The following WDFY3 variants were observed in gnomAD, a reference collection of about 807,000 sequenced individuals.
WDFY3 encodes the protein WD repeat and FYVE domain containing 3.
A neutral mutation model predicts 409.6 loss-of-function variants in WDFY3; 66 were observed. The observed-to-expected ratio is 0.16, with a 90% CI of 0.13 to 0.20. WDFY3 has a LOEUF of 0.20. WDFY3 is among the 10% of genes least tolerant of loss of function. The pLI is 1.00. For synonymous variants in WDFY3, 1,521 were observed against 1,537.1 expected, an observed-to-expected ratio of 0.99 and a Z score of 0.25; for missense variants, 3,031 against 4,298.1, an observed-to-expected ratio of 0.71 and a Z score of 8.24.
intron 44 of WDFY3, 108 bp downstream of exon 44, chr4:84,733,274 T>C: frequency 7.9e-7 from 1 of 1,262,878 alleles, no homozygotes; most frequent in South Asian, 1.4e-5. Flanking sequence ...TATGTTGAAT[T>C]TTTAAAATTA....
chr4:84,956,966 G>A (rs1774309132), intron 1 of WDFY3, among the ~76,000 whole-genome samples: 1 of 148,468 alleles, frequency 6.7e-6, no homozygotes, highest in African/African-American at 2.5e-5. Flanking sequence ...AGAAGCAGGT[G>A]ACAATGGTTT....
At chr4:84,810,485 G>T in intron 13 of WDFY3, 141 bp from the exon 14 acceptor site, 1 of 685,126 alleles carries the variant, frequency 1.5e-6, no homozygotes, top group Non-Finnish European at 2.2e-6. Context: ...GTCCTATAAA[G>T]CATATCAAAT....
chr4:84,818,832 G>A (rs1452641689), intron 12 of WDFY3, among the ~76,000 whole-genome samples: 1 of 152,092 alleles, frequency 6.6e-6, no homozygotes, highest in Non-Finnish European at 1.5e-5. Flanking sequence ...AAATTGTTTG[G>A]CACTTTGGGA....
At chr4:84,781,249 T>G (rs1746452716) in intron 25 of WDFY3, among the ~76,000 whole-genome samples, 1 of 151,848 alleles carries the variant, frequency 6.6e-6, no homozygotes, top group African/African-American at 2.4e-5. Context: ...ACACCTACAT[T>G]CCTAACATTT....
At chr4:84,828,198 T>C (rs1320925574) in intron 9 of WDFY3, among the ~76,000 whole-genome samples, 1 of 152,092 alleles carries the variant, frequency 6.6e-6, no homozygotes, top group Non-Finnish European at 1.5e-5. Context: ...CAGGAATAGC[T>C]GCTGAAAAAT....
intron 63 of WDFY3, among the ~76,000 whole-genome samples, chr4:84,683,140 T>G (rs1450191547): frequency 6.6e-6 from 1 of 152,226 alleles, no homozygotes; most frequent in African/African-American, 2.4e-5. Flanking sequence ...TATTTTATGC[T>G]GCTTCACAGA....
At position 84,780,240 on chromosome 4, in the gene WDFY3, A is replaced by G. The variant is rs1746260579; in HGVS notation, c.4233T>C (p.Ala1411=). 1.2e-6 allele frequency: 2 copies of G among 1,614,096 alleles called. No individual in the cohort carries two copies. The highest frequency in any genetic ancestry group is 1.7e-6 in the Non-Finnish European group (2 of 1,179,970). The change falls in exon 26 of 68, where the codon GCT becomes GCC. Residue 1411 remains alanine (A), a synonymous_variant. Coordinates refer to ENST00000295888, the MANE Select transcript of WDFY3 (RefSeq NM_014991.6). ...TGGCCACCAGGCCCAGGATGGCTGC[A>G]GCTCCACCAACGTACTGCAAAGTAG... ...VATTLQYVGG[A]AAILGLVAMA...
At position 84,688,196 on chromosome 4, in the gene WDFY3, CACT is replaced by C. The variant is rs1157207640; in HGVS notation, c.9430_9432del (p.Ser3144del). The stretch of plus-strand genomic sequence containing the variant: ...ATGATACAGGTTCGATCACGGGACC[CACT>C]GACAATTATGTGATAGGCTAATGAT... On this transcript the variant is annotated inframe_deletion, in exon 62 of 68. Transcript: ENST00000295888. 6.2e-7 allele frequency: 1 copy of C among 1,614,000 alleles called. No individual in the cohort carries two copies. The highest frequency in any genetic ancestry group is 1.3e-5 in the African/African-American group (1 of 74,922).
intron 46 of WDFY3, among the ~76,000 whole-genome samples, chr4:84,722,583 C>T (rs192931203): frequency 4.6e-5 from 7 of 152,216 alleles, no homozygotes; most frequent in Middle Eastern, 3.4e-3. Context: ...ATTAAGGAAA[C>T]ATTTTACTAC....
At chr4:84,894,785 GA>G (rs201916800) in intron 3 of WDFY3, among the ~76,000 whole-genome samples, 1,881 of 133,164 alleles carry the variant, frequency 0.014, 32 homozygotes, top group African/African-American at 0.039. Context: ...GACTCAGTCT[GA>G]AAAAAAAAAA....
chr4:84,705,219 G>C (rs1412901852), intron 54 of WDFY3, among the ~76,000 whole-genome samples, 175 bp downstream of exon 54: 1 of 152,122 alleles, frequency 6.6e-6, no homozygotes, highest in African/African-American at 2.4e-5. Context: ...GCCATAAGTT[G>C]GCATGCAAAC....
In WDFY3 at chr4:84,706,094, A is replaced by G. The variant is rs1659303593; in HGVS notation, c.8218-583T>C. Among the ~76,000 whole-genome samples, 3 of 152,356 alleles carry G rather than the reference A, an allele frequency of 2.0e-5. No homozygotes were observed. In the South Asian group the frequency reaches 6.2e-4, roughly 32 times the overall value. Reference sequence around the variant, plus strand: ...CCAATGAGATGGATTCTTCTAGTTTACCAGAGATCACTTTAAAAGTTGATG... The same window carrying G: ...CCAATGAGATGGATTCTTCTAGTTTGCCAGAGATCACTTTAAAAGTTGATG... On this transcript the variant is annotated intron_variant, in intron 53 of 67. Coordinates refer to ENST00000295888, the MANE Select transcript of WDFY3 (RefSeq NM_014991.6).
Position 84,672,874 on chromosome 4 carries a change from A to G in WDFY3, c.10575T>C (p.Asn3525=), listed in dbSNP as rs757810769. 9 of 1,612,430 alleles carry G rather than the reference A, an allele frequency of 5.6e-6. No individual in the cohort carries two copies. The highest frequency in any genetic ancestry group is 7.6e-6 in the Non-Finnish European group (9 of 1,179,170). The change falls in exon 68 of 68, where the codon AAT becomes AAC. Residue 3525 remains asparagine (N), a synonymous_variant. Coordinates refer to ENST00000295888, the MANE Select transcript of WDFY3 (RefSeq NM_014991.6). Reference sequence around the variant, plus strand: ...CACTCAGCTTGTTGAATCTTCAACAATTTCGAGGCCCATCTTCTGAACCTC... The same window carrying G: ...CACTCAGCTTGTTGAATCTTCAACAGTTTCGAGGCCCATCTTCTGAACCTC... ...HERGSEDGPR[N]C
chr4:84,890,845 T>C (rs992531637), intron 3 of WDFY3, among the ~76,000 whole-genome samples: 14 of 152,172 alleles, frequency 9.2e-5, no homozygotes, highest in African/African-American at 3.1e-4. Context: ...AAGTATTTTG[T>C]TATGTTGTCC....
chr4:84,833,160 G>C (rs1756005539), intron 7 of WDFY3, among the ~76,000 whole-genome samples: 1 of 152,066 alleles, frequency 6.6e-6, no homozygotes, highest in South Asian at 2.1e-4. Context: ...ACACCATTAA[G>C]AGCCTGCCAC....
chr4:84,786,018 T>C lies in WDFY3; in HGVS notation c.4023A>G (p.Lys1341=), dbSNP rs1054466556. 5 of 1,613,890 alleles carry C rather than the reference T, an allele frequency of 3.1e-6. No homozygotes were observed. The African/African-American group carries it at 6.7e-5, about 22-fold the overall frequency. The stretch of plus-strand genomic sequence containing the variant: ...CTTTGCTATCCAATTTGTTATACAC[T>C]TTCCGGATTCTTGCCACTGTTAGAG... ...VSSLTVARIR[K]VYNKLDSKAI... is the part of the protein sequence containing the mutation. The change falls in exon 24 of 68, where the codon AAA becomes AAG. Residue 1341 remains lysine, a synonymous_variant. Coordinates refer to ENST00000295888, the MANE Select transcript of WDFY3 (RefSeq NM_014991.6).
intron 2 of WDFY3, among the ~76,000 whole-genome samples, chr4:84,918,145 T>A (rs1161545193): frequency 6.6e-6 from 1 of 152,132 alleles, no homozygotes; most frequent in African/African-American, 2.4e-5. Context: ...GGGAATTTGG[T>A]AACATCTAGC....
intron 3 of WDFY3, among the ~76,000 whole-genome samples, chr4:84,861,167 C>T (rs905105615): frequency 6.6e-6 from 1 of 152,008 alleles, no homozygotes; most frequent in African/African-American, 2.4e-5. Context: ...GCCAAGATCA[C>T]GCCACTGCAT....
chr4:84,868,400 A>G (rs995471420), intron 3 of WDFY3, among the ~76,000 whole-genome samples: 1 of 151,964 alleles, frequency 6.6e-6, no homozygotes, highest in Admixed American at 6.6e-5. Flanking sequence ...AACAAACAAA[A>G]ACAAGTTCTA....
Sources: allele counts gnomAD v4.1 joint callset (sites outside exome capture counted in the v4.1 genomes callset), GRCh38; gene constraint gnomAD v4.1.1; transcripts MANE v1.5; gene names NCBI Gene and HGNC (gene_info 2026-07-23, HGNC 2026-07-21).